The following IMMP2L variants were observed in gnomAD, a reference collection of about 807,000 sequenced individuals.
The protein encoded by IMMP2L is inner mitochondrial membrane peptidase subunit 2, also known as mitochondrial inner membrane protease subunit 2.
IMMP2L carries 18 observed loss-of-function variants against 19.3 expected under a neutral mutation model. The observed-to-expected ratio is 0.93, with a 90% confidence interval of 0.64 to 1.38. The LOEUF (loss-of-function observed/expected upper bound fraction) is 1.38. Ranked by LOEUF, IMMP2L falls within the 40% of genes most tolerant of loss-of-function variation. IMMP2L has a pLI of 0.00. For missense variants in IMMP2L, 233 were observed against 218.2 expected, an observed-to-expected ratio of 1.07 and a Z score of -0.43; for synonymous variants, 76 against 73.0, an observed-to-expected ratio of 1.04 and a Z score of -0.21.
At chr7:110,887,279 T>C (rs764148925) in intron 4 of IMMP2L, among the ~76,000 whole-genome samples, 13 of 152,070 alleles carry the variant, frequency 8.5e-5, no homozygotes, top group Non-Finnish European at 1.5e-4. Context: ...TTCCTAAAAA[T>C]GAAATTTTTT....
chr7:110,932,393 G>A (rs1005485590), intron 4 of IMMP2L, among the ~76,000 whole-genome samples: 9 of 151,796 alleles, frequency 5.9e-5, no homozygotes, highest in South Asian at 4.2e-4. Context: ...TCACTCTGTC[G>A]CCCAGGCTGG....
intron 5 of IMMP2L, among the ~76,000 whole-genome samples, chr7:110,814,728 T>C (rs1030642898): frequency 3.3e-5 from 5 of 149,330 alleles, no homozygotes; most frequent in Non-Finnish European, 7.4e-5. Context: ...TGTATATATA[T>C]AAAATTTAGC....
chr7:111,398,896 A>T (rs909474709), intron 3 of IMMP2L, among the ~76,000 whole-genome samples: 6 of 151,924 alleles, frequency 3.9e-5, no homozygotes, highest in Non-Finnish European at 1.5e-5. Context: ...AAAAAAAAAA[A>T]AATACTTAGG....
At chr7:110,664,754 T>C (rs1375207582) in intron 5 of IMMP2L, 2 of 152,194 alleles carry the variant, frequency 1.3e-5, no homozygotes, top group African/African-American at 2.4e-5. Flanking sequence ...GCTTACAAAA[T>C]ACACTCATAT....
chr7:111,351,348 G>A (rs1446154650), intron 3 of IMMP2L, among the ~76,000 whole-genome samples: 2 of 151,940 alleles, frequency 1.3e-5, no homozygotes, highest in African/African-American at 4.8e-5. Context: ...GTGCCACCAC[G>A]CCCAGCTAAT....
chr7:110,861,013 A>G (rs1157966761), intron 5 of IMMP2L, among the ~76,000 whole-genome samples: 1 of 151,144 alleles, frequency 6.6e-6, no homozygotes, highest in Middle Eastern at 3.2e-3. Context: ...AAATTCCTCA[A>G]AGGTATTTGT....
intron 3 of IMMP2L, among the ~76,000 whole-genome samples, chr7:110,967,672 A>G (rs1275323235): frequency 6.6e-6 from 1 of 152,072 alleles, no homozygotes; most frequent in Non-Finnish European, 1.5e-5. Flanking sequence ...TTTATTATTG[A>G]GGTGAAAGGA....
intron 1 of IMMP2L, among the ~76,000 whole-genome samples, chr7:111,549,216 T>C (rs189394317): frequency 6.6e-6 from 1 of 152,280 alleles, no homozygotes; most frequent in East Asian, 1.9e-4. Flanking sequence ...AAGTCTATGA[T>C]AGTAACCAAG....
intron 3 of IMMP2L, among the ~76,000 whole-genome samples, chr7:111,239,131 C>A (rs1814692561): frequency 6.6e-6 from 1 of 151,816 alleles, no homozygotes. Flanking sequence ...TGAACTAATT[C>A]CAGGTCTCTG....
At chr7:111,150,377 C>T (rs1165466051) in intron 3 of IMMP2L, among the ~76,000 whole-genome samples, 1 of 152,100 alleles carries the variant, frequency 6.6e-6, no homozygotes, top group Non-Finnish European at 1.5e-5. Flanking sequence ...GCTCCCTTTC[C>T]ACTACAGGCA....
chr7:111,260,115 A>C (rs1817160405), intron 3 of IMMP2L, among the ~76,000 whole-genome samples: 1 of 152,204 alleles, frequency 6.6e-6, no homozygotes, highest in Admixed American at 6.5e-5. Flanking sequence ...AATGATTAAA[A>C]GTATAGCATA....
Position 111,445,866 on chromosome 7 carries a change from G to A in IMMP2L, c.239+41372C>T, listed in dbSNP as rs886434822. Among the ~76,000 whole-genome samples, 188 of 150,154 alleles carry A rather than the reference G, an allele frequency of 1.3e-3. 1 individual carries two copies. Among genetic ancestry groups the A allele is most frequent in the Admixed American group, 3.6e-3 (54 of 15,196 alleles). On this transcript the variant is annotated intron_variant, in intron 3 of 5. Coordinates refer to ENST00000405709, the MANE Select transcript of IMMP2L (RefSeq NM_032549.4). ...TGGGTGCGCGCACCGTGCGTGAGCC[G>A]AAGCAGGGCGAGGCATTGCCTCACC...
intron 5 of IMMP2L, among the ~76,000 whole-genome samples, chr7:110,665,167 T>C (rs2130246493): frequency 6.6e-6 from 1 of 152,312 alleles, no homozygotes; most frequent in East Asian, 1.9e-4. Context: ...CTACTTGTTA[T>C]TTTGAAAATC....
chr7:110,834,852 C>T (rs1406690739), intron 5 of IMMP2L, among the ~76,000 whole-genome samples: 1 of 152,112 alleles, frequency 6.6e-6, no homozygotes, highest in Non-Finnish European at 1.5e-5. Context: ...AACACCCTGG[C>T]CTTTGTGGAG....
intron 5 of IMMP2L, among the ~76,000 whole-genome samples, chr7:110,792,213 A>G (rs1800506651): frequency 6.6e-6 from 1 of 151,842 alleles, no homozygotes; most frequent in South Asian, 2.1e-4. Context: ...AATTTAGCTA[A>G]TAATCTAACT....
intron 3 of IMMP2L, among the ~76,000 whole-genome samples, chr7:111,119,525 T>C (rs1800325472): frequency 6.6e-6 from 1 of 152,222 alleles, no homozygotes; most frequent in Non-Finnish European, 1.5e-5. Flanking sequence ...AGTCTAACAT[T>C]CCTTTGTATT....
chr7:111,010,314 T>C (rs144482157), intron 3 of IMMP2L, among the ~76,000 whole-genome samples: 5 of 152,292 alleles, frequency 3.3e-5, no homozygotes, highest in Admixed American at 2.6e-4. Flanking sequence ...CACAGAGTCT[T>C]ACATCTTTAG....
chr7:111,266,239 C>T (rs1045597380), intron 3 of IMMP2L, among the ~76,000 whole-genome samples: 10 of 152,064 alleles, frequency 6.6e-5, no homozygotes, highest in African/African-American at 9.7e-5. Flanking sequence ...AAATCTAACA[C>T]TGTCATTAAA....
intron 3 of IMMP2L, among the ~76,000 whole-genome samples, chr7:111,388,669 C>T (rs1460193122): frequency 6.6e-6 from 1 of 151,850 alleles, no homozygotes; most frequent in Non-Finnish European, 1.5e-5. Context: ...ATGGCAGTGG[C>T]AAGAGAAAAA....
Sources: allele counts gnomAD v4.1 joint callset (sites outside exome capture counted in the v4.1 genomes callset), GRCh38; gene constraint gnomAD v4.1.1; transcripts MANE v1.5; gene names NCBI Gene and HGNC (gene_info 2026-07-23, HGNC 2026-07-21).